Variants in SGCZ observed in about 807,000 individuals in gnomAD.
SGCZ encodes the protein sarcoglycan zeta, also known as zeta-sarcoglycan.
A neutral mutation model predicts 41.3 loss-of-function variants in SGCZ; 40 were observed. The ratio of observed to expected loss-of-function variants is 0.97; its 90% confidence interval spans 0.75 to 1.26. SGCZ has a LOEUF of 1.26. Among genes scored for constraint, SGCZ ranks in the 50% most tolerant of loss-of-function variants. SGCZ has a pLI of 0.00. For synonymous variants in SGCZ, 206 were observed against 137.5 expected (o/e 1.50, Z -3.49); for missense variants, 552 against 369.8 (o/e 1.49, Z -4.04).
chr8:14,506,935 C>G (rs977038082), intron 2 of SGCZ, among the ~76,000 whole-genome samples: 4 of 152,082 alleles, frequency 2.6e-5, no homozygotes, highest in African/African-American at 2.4e-5. Context: ...GGCCTAGGTT[C>G]TCAGGTCTTC....
intron 1 of SGCZ, among the ~76,000 whole-genome samples, chr8:15,164,846 T>C (rs779180645): frequency 6.6e-6 from 1 of 152,130 alleles, no homozygotes; most frequent in Non-Finnish European, 1.5e-5. Flanking sequence ...TGTAACCCCT[T>C]GGCAACGCTT....
chr8:14,555,455 C>G (rs2117193187), intron 1 of SGCZ, among the ~76,000 whole-genome samples: 1 of 152,142 alleles, frequency 6.6e-6, no homozygotes, highest in African/African-American at 2.4e-5. Context: ...TGGACCTGCT[C>G]CTGCCATATA....
At chr8:14,321,445 T>C (rs35400537) in intron 3 of SGCZ, among the ~76,000 whole-genome samples, 30,884 of 151,986 alleles carry the variant, frequency 0.2, 3,851 homozygotes, top group Non-Finnish European at 0.29. Context: ...TTAGGTTAGG[T>C]GGCTAGATGT....
intron 1 of SGCZ, among the ~76,000 whole-genome samples, chr8:15,023,807 C>A (rs1361465674): frequency 6.6e-6 from 1 of 152,076 alleles, no homozygotes; most frequent in African/African-American, 2.4e-5. Context: ...GGCCTGTGAG[C>A]CTGCCAGGAT....
chr8:15,057,699 C>A (rs967643809), intron 1 of SGCZ, among the ~76,000 whole-genome samples: 34 of 152,186 alleles, frequency 2.2e-4, no homozygotes, highest in African/African-American at 8.2e-4. Context: ...AATTAGATGA[C>A]AGCTAAATAA....
chr8:14,912,020 G>A (rs1049709611), intron 1 of SGCZ, among the ~76,000 whole-genome samples: 1 of 151,980 alleles, frequency 6.6e-6, no homozygotes, highest in African/African-American at 2.4e-5. Flanking sequence ...TATTCAAGGT[G>A]AAGAGTAGCT....
At chr8:14,458,472 A>C (rs750041864) in intron 2 of SGCZ, among the ~76,000 whole-genome samples, 2 of 152,214 alleles carry the variant, frequency 1.3e-5, no homozygotes, top group Non-Finnish European at 2.9e-5. Context: ...AATGTATTAC[A>C]GATAATGAGA....
chr8:14,958,599 A>G (rs1312566700), intron 1 of SGCZ, among the ~76,000 whole-genome samples: 1 of 152,096 alleles, frequency 6.6e-6, no homozygotes, highest in African/African-American at 2.4e-5. Flanking sequence ...ATGAAAGAAC[A>G]TTCTAGGTGG....
chr8:14,309,577 G>T, intron 3 of SGCZ: 1 of 1,610,814 alleles, frequency 6.2e-7, no homozygotes, highest in South Asian at 1.1e-5. Flanking sequence ...AACAAGGAAA[G>T]GTTAGGACTT....
chr8:14,490,912 G>A (rs929838788), intron 2 of SGCZ, among the ~76,000 whole-genome samples: 3 of 152,118 alleles, frequency 2.0e-5, no homozygotes, highest in African/African-American at 4.8e-5. Context: ...AAAATCTTAA[G>A]TGCTGTATTT....
intron 1 of SGCZ, among the ~76,000 whole-genome samples, chr8:15,113,074 T>C (rs1807131012): frequency 6.6e-6 from 1 of 151,646 alleles, no homozygotes; most frequent in South Asian, 2.1e-4. Flanking sequence ...CCAGATGTGG[T>C]TGTGAGCGCC....
intron 4 of SGCZ, among the ~76,000 whole-genome samples, chr8:14,185,500 A>T (rs1563173076): frequency 6.6e-6 from 1 of 151,878 alleles, no homozygotes; most frequent in South Asian, 2.1e-4. Context: ...CATATACTTT[A>T]TTTTTTTTCA....
At chr8:14,699,197 A>C (rs927620037) in intron 1 of SGCZ, among the ~76,000 whole-genome samples, 1 of 150,166 alleles carries the variant, frequency 6.7e-6, no homozygotes, top group African/African-American at 2.4e-5. Flanking sequence ...ATATACACAT[A>C]TATAATTTGA....
chr8:14,834,580 T>C (rs1429978119), intron 1 of SGCZ, among the ~76,000 whole-genome samples: 6 of 152,166 alleles, frequency 3.9e-5, no homozygotes, highest in African/African-American at 1.4e-4. Flanking sequence ...AAGATGTTAT[T>C]CCTAGCAGCA....
chr8:15,205,986 T>A (rs893795870), intron 1 of SGCZ, among the ~76,000 whole-genome samples: 1 of 152,118 alleles, frequency 6.6e-6, no homozygotes, highest in African/African-American at 2.4e-5. Context: ...AATACATGAA[T>A]GGAAAACCAA....
intron 1 of SGCZ, among the ~76,000 whole-genome samples, chr8:14,815,038 T>A (rs1801860925): frequency 1.3e-5 from 2 of 152,180 alleles, no homozygotes; most frequent in Admixed American, 1.3e-4. Context: ...AAAACTGAGA[T>A]TCTCTGATAT....
At chr8:15,139,076 C>T (rs1203870076) in intron 1 of SGCZ, among the ~76,000 whole-genome samples, 1 of 152,130 alleles carries the variant, frequency 6.6e-6, no homozygotes, top group African/African-American at 2.4e-5. Flanking sequence ...TTATTTTCCT[C>T]CCTGACAATG....
At chr8:14,843,611 T>G (rs1802999761) in intron 1 of SGCZ, among the ~76,000 whole-genome samples, 1 of 152,106 alleles carries the variant, frequency 6.6e-6, no homozygotes, top group East Asian at 1.9e-4. Flanking sequence ...TGCAAGTGTG[T>G]TTTTGCCCAC....
At chr8:14,668,852 C>T (rs1394319895) in intron 1 of SGCZ, among the ~76,000 whole-genome samples, 9 of 151,958 alleles carry the variant, frequency 5.9e-5, no homozygotes, top group Non-Finnish European at 1.2e-4. Flanking sequence ...ATTTGATATC[C>T]TTATACATGG....
Sources: gnomAD v4.1 joint callset for allele counts (sites outside exome capture counted in the v4.1 genomes callset) on GRCh38, gnomAD v4.1.1 for gene constraint, MANE v1.5 for transcripts, NCBI Gene and HGNC (gene_info 2026-07-23, HGNC 2026-07-21) for gene names.